PRCD: variants seen among roughly 807,000 people sequenced by gnomAD.
PRCD encodes the protein photoreceptor disc component.
Under a neutral mutation model 10.1 loss-of-function variants are expected in PRCD, and 12 were observed. That is an observed-to-expected ratio of 1.18 (90% CI 0.76 to 1.92). The LOEUF is 1.92. PRCD is among the 40% of genes most tolerant of loss of function. The probability of loss-of-function intolerance (pLI) is 0.00; values close to 1 mark genes in which losing one functional copy is unlikely to be tolerated. For synonymous variants in PRCD, 31 were observed against 26.2 expected, an observed-to-expected ratio of 1.18 and a Z score of -0.56; for missense variants, 61 against 72.2, an observed-to-expected ratio of 0.84 and a Z score of 0.56.
Position 76,531,789 on chromosome 17 carries a change from T to G in PRCD, n.45+3956T>G. The G allele has an allele frequency of 1.0e-6, 1 of 964,228 alleles. No homozygotes were observed. The highest frequency in any genetic ancestry group is 2.5e-5 in the East Asian group (1 of 39,542). The allele number at this position is 964,228 out of a possible 1,614,324, so 59.7% of individuals were successfully genotyped here. A position where few individuals can be genotyped will look rare whatever the true frequency, so the allele number is the denominator to read the frequency against. On this transcript the variant is annotated intron_variant and non_coding_transcript_variant, in intron 1 of 4. Transcript: ENST00000397633. The surrounding 1 kb of genome is among the most constrained non-coding windows in gnomAD (Gnocchi z 7.4). ...TGGGGGCTGAAGAAGTGGACCGCAG[T>G]GCTCCCCACCCCCGCACCGTCACTG...
At chr17:76,548,027 G>A (rs2075071971), downstream of PRCD, among the ~76,000 whole-genome samples, 1 of 150,110 alleles carries the variant, frequency 6.7e-6, no homozygotes, top group African/African-American at 2.5e-5. Flanking sequence ...TGCATACACA[G>A]ACATACACAT....
At chr17:76,539,985 C>A, upstream of PRCD, 1 of 734,188 alleles carries the variant, frequency 1.4e-6, no homozygotes, top group Non-Finnish European at 2.3e-6. Flanking sequence ...AAGGTCGGGG[C>A]CGCTGACCCA....
chr17:76,531,723 C>G lies in PRCD; in HGVS notation n.45+3890C>G. 1 of 1,554,048 alleles carries G rather than the reference C, an allele frequency of 6.4e-7. No individual in the cohort carries two copies. The highest frequency in any genetic ancestry group is 8.8e-7 in the Non-Finnish European group (1 of 1,140,476). On this transcript the variant is annotated intron_variant and non_coding_transcript_variant, in intron 1 of 4. Transcript: ENST00000397633. The surrounding 1 kb of genome is among the most constrained non-coding windows in gnomAD (Gnocchi z 7.4). ...AGAGGAACAGGGGTGGTCGCTGAAG[C>G]TGGAGGCTGCCTCGGGCCCACCCTG... is the stretch of plus-strand genomic sequence containing the variant.
At chr17:76,529,551 C>G (rs2074809776) in intron 1 of PRCD, 2 of 985,032 alleles carry the variant, frequency 2.0e-6, no homozygotes, top group Non-Finnish European at 2.4e-6. Context: ...CTCTCTTGGC[C>G]CTTGTAAAAA....
upstream of PRCD, among the ~76,000 whole-genome samples, chr17:76,539,526 C>T (rs971172926): frequency 7.9e-5 from 12 of 152,164 alleles, no homozygotes; most frequent in African/African-American, 2.2e-4. Context: ...TTGAGTCTCC[C>T]GTCTCTCTGG....
At chr17:76,536,871 C>T (rs904718396), upstream of PRCD, among the ~76,000 whole-genome samples, 1 of 152,208 alleles carries the variant, frequency 6.6e-6, no homozygotes, top group Non-Finnish European at 1.5e-5. Flanking sequence ...AAGGGGGCAG[C>T]TGGGAACACT....
chr17:76,546,722 T>A (rs1324231230), downstream of PRCD: 4 of 152,216 alleles, frequency 2.6e-5, no homozygotes, highest in Non-Finnish European at 2.9e-5. This position sits in a 1 kb window ranked among gnomAD's most constrained non-coding sequence, Gnocchi z 4.5. Context: ...TATGTTAACA[T>A]AATGATGATA....
chr17:76,540,662 CGCGCCTGT>C lies in PRCD; in HGVS notation c.143+93_143+100del. 1 of 1,309,228 alleles carries C rather than the reference CGCGCCTGT, an allele frequency of 7.6e-7. No individual in the cohort carries two copies. Among genetic ancestry groups the C allele is most frequent in the South Asian group, 1.2e-5 (1 of 82,332 alleles). The allele number at this position is 1,309,228 out of a possible 1,614,324, so 81.1% of individuals were successfully genotyped here. On this transcript the variant is annotated intron_variant, in intron 2 of 4. Transcript: ENST00000592014. This position sits in a 1 kb window ranked among gnomAD's most constrained non-coding sequence, Gnocchi z 5.0. ...CTGGGGGTGCACGTGTGTGCCTGTGCGCGCCTGTGCGTGCACCGTATCCTGGCCCTTGC... is the reference window on the plus strand; with the variant it reads ...CTGGGGGTGCACGTGTGTGCCTGTGCGCGTGCACCGTATCCTGGCCCTTGC...
chr17:76,536,082 G>A (rs558959363), upstream of PRCD, among the ~76,000 whole-genome samples: 52 of 152,296 alleles, frequency 3.4e-4, no homozygotes, highest in Non-Finnish European at 5.6e-4. Flanking sequence ...GGTTCCGAGC[G>A]TCTGAGGCCC....
downstream of PRCD, chr17:76,546,376 G>C (rs2075052872): frequency 6.6e-6 from 1 of 152,264 alleles, no homozygotes; most frequent in Admixed American, 6.5e-5. This position sits in a 1 kb window ranked among gnomAD's most constrained non-coding sequence, Gnocchi z 4.5. Flanking sequence ...GCTGTCCACT[G>C]TCACCCTGGG....
chr17:76,537,645 CGGGCGGGCGAGGGGTAGAGCGCGGA>C, upstream of PRCD: 3 of 959,136 alleles, frequency 3.1e-6, no homozygotes, highest in South Asian at 9.3e-5. Context: ...GCGTGCGCGG[CGGGCGGGCGAGGGGTAGAGCGCGGA>C]GGGAGGGAGC....
At chr17:76,541,711 AC>A (rs1338487342) in intron 2 of PRCD, among the ~76,000 whole-genome samples, 1 of 151,858 alleles carries the variant, frequency 6.6e-6, no homozygotes, top group East Asian at 1.9e-4. Context: ...TACAATGACC[AC>A]CCCTGGGCCT....
At chr17:76,536,145 G>C (rs2074911153), upstream of PRCD, among the ~76,000 whole-genome samples, 1 of 152,176 alleles carries the variant, frequency 6.6e-6, no homozygotes, top group Non-Finnish European at 1.5e-5. Context: ...GTGTTTCTGG[G>C]CTTGGGGGCT....
chr17:76,548,276 A>G (rs2075075863), downstream of PRCD, among the ~76,000 whole-genome samples: 1 of 152,228 alleles, frequency 6.6e-6, no homozygotes, highest in Non-Finnish European at 1.5e-5. Flanking sequence ...ACATAAACAT[A>G]CATACACACA....
chr17:76,531,113 G>A lies in PRCD; in HGVS notation n.45+3280G>A, dbSNP rs2074834011. ...GGAAGTCACTGGCAAATTCCTCGGC[G>A]ACCACCTCCAGAATGACCCCAGAGA... is the stretch of plus-strand genomic sequence containing the variant. On this transcript the variant is annotated intron_variant and non_coding_transcript_variant, in intron 1 of 4. Coordinates refer to the PRCD transcript ENST00000397633. The surrounding 1 kb of genome is among the most constrained non-coding windows in gnomAD (Gnocchi z 7.4). The A allele has an allele frequency of 1.9e-6, 3 of 1,613,720 alleles. No homozygotes were observed. Among genetic ancestry groups the A allele is most frequent in the East Asian group, 2.2e-5 (1 of 44,876 alleles).
Position 76,544,031 on chromosome 17 carries a change from C to T in PRCD, c.*381C>T, listed in dbSNP as rs1249474974. 2.2e-6 allele frequency: 1 copy of T among 455,154 alleles called. No individual in the cohort carries two copies. Among genetic ancestry groups the T allele is most frequent in the South Asian group, 1.6e-5 (1 of 64,480 alleles). 28.2% of individuals were successfully genotyped at this position (455,154 alleles called of 1,614,324 possible). Reference sequence around the variant, plus strand: ...TCAATTTGCTGATGCTCAGTCCCGGCGGCTGCCTCCTTTGCCCCCAGCTGC... The same window carrying T: ...TCAATTTGCTGATGCTCAGTCCCGGTGGCTGCCTCCTTTGCCCCCAGCTGC... On this transcript the variant is annotated 3_prime_UTR_variant, in exon 5 of 5. Coordinates refer to ENST00000592014, the MANE Select transcript of PRCD (RefSeq NM_001077620.3).
At position 76,530,141 on chromosome 17, in the gene PRCD, C is replaced by G. The variant is rs572295893; in HGVS notation, n.45+2308C>G. 90 of 955,942 alleles carry G rather than the reference C, an allele frequency of 9.4e-5. No homozygotes were observed. The highest frequency in any genetic ancestry group is 6.9e-4 in the East Asian group (6 of 8,662). 59.2% of individuals were successfully genotyped at this position (955,942 alleles called of 1,614,324 possible). On this transcript the variant is annotated intron_variant and non_coding_transcript_variant, in intron 1 of 4. Transcript: ENST00000397633. This position sits in a 1 kb window ranked among gnomAD's most constrained non-coding sequence, Gnocchi z 6.1. The stretch of plus-strand genomic sequence containing the variant: ...ACCACGGGAATGTTTCTCTACCACG[C>G]GTGTCCCGGGCTGCTGGCTGACCTC...
Position 76,528,409 on chromosome 17 carries a change from C to T in PRCD, n.45+576C>T. On this transcript the variant is annotated intron_variant and non_coding_transcript_variant, in intron 1 of 4. Transcript: ENST00000397633. This position sits in a 1 kb window ranked among gnomAD's most constrained non-coding sequence, Gnocchi z 5.8. ...CATCCAGGCAGCCAGCGCCGCCTCCCAGCAGCTCCAGGGGGGGACCCTGGC... is the reference window on the plus strand; with the variant it reads ...CATCCAGGCAGCCAGCGCCGCCTCCTAGCAGCTCCAGGGGGGGACCCTGGC... The T allele has an allele frequency of 1.7e-6, 1 of 575,108 alleles. No homozygotes were observed. The highest frequency in any genetic ancestry group is 2.6e-6 in the Non-Finnish European group (1 of 380,142). The allele number at this position is 575,108 out of a possible 1,614,324, so 35.6% of individuals were successfully genotyped here.
chr17:76,540,502 CAGAG>C lies in PRCD; in HGVS notation c.75_78del (p.Glu26ProfsTer27). On this transcript the variant is annotated splice_acceptor_variant and coding_sequence_variant, in exon 2 of 5. Transcript: ENST00000592014. LOFTEE classifies it high-confidence loss of function. The surrounding 1 kb of genome is among the most constrained non-coding windows in gnomAD (Gnocchi z 5.0). ...TCTTCCTCCCTACTCTTGCCTCCCACAGAGAGCCCAGCGACGTGGATGGGGCAGC... is the reference window on the plus strand; with the variant it reads ...TCTTCCTCCCTACTCTTGCCTCCCACAGCCCAGCGACGTGGATGGGGCAGC... The C allele has an allele frequency of 6.2e-7, 1 of 1,613,698 alleles. No individual in the cohort carries two copies. The highest frequency in any genetic ancestry group is 1.3e-5 in the African/African-American group (1 of 75,056).
Sources: gnomAD v4.1 joint callset for allele counts (sites outside exome capture counted in the v4.1 genomes callset) on GRCh38, gnomAD v4.1.1 for gene constraint, Gnocchi (gnomAD v3.1) non-coding constraint, MANE v1.5 for transcripts, NCBI Gene and HGNC (gene_info 2026-07-23, HGNC 2026-07-21) for gene names.